The following ZNF385D variants were observed in gnomAD, a reference collection of about 807,000 sequenced individuals.
The protein encoded by ZNF385D is zinc finger protein 659.
In ZNF385D, 15 loss-of-function variants were observed where a neutral mutation model predicts 35.8. The observed-to-expected ratio is 0.42, with a 90% CI of 0.28 to 0.64. The LOEUF (loss-of-function observed/expected upper bound fraction) is 0.64. Ranked by LOEUF, ZNF385D falls within the 30% of genes least tolerant of loss-of-function variation. The pLI, the probability that ZNF385D is intolerant of heterozygous loss-of-function variation, is 0.23. For synonymous variants in ZNF385D, 212 were observed against 186.8 expected (o/e 1.13, Z -1.10); for missense variants, 474 against 494.6 (o/e 0.96, Z 0.39).
At chr3:22,200,242 G>A (rs115618703) in intron 2 of ZNF385D, among the ~76,000 whole-genome samples, 3,775 of 152,130 alleles carry the variant, frequency 0.025, 62 homozygotes, top group Middle Eastern at 0.041. Flanking sequence ...AACATGCCCC[G>A]ATAGTCATGT....
intron 2 of ZNF385D, among the ~76,000 whole-genome samples, chr3:22,338,761 C>G (rs112091229): frequency 7.1e-6 from 1 of 141,018 alleles, no homozygotes; most frequent in African/African-American, 2.7e-5. Flanking sequence ...AGTACAATGG[C>G]GCGATCTCGG....
chr3:22,042,514 T>C (rs1227724132), intron 3 of ZNF385D, among the ~76,000 whole-genome samples: 1 of 152,114 alleles, frequency 6.6e-6, no homozygotes, highest in Admixed American at 6.6e-5. Flanking sequence ...TAGAACAGAC[T>C]ATAAGGTATT....
intron 2 of ZNF385D, among the ~76,000 whole-genome samples, chr3:21,618,224 G>A (rs1244236121): frequency 6.6e-6 from 1 of 151,920 alleles, no homozygotes; most frequent in Non-Finnish European, 1.5e-5. Flanking sequence ...AAATCCCATT[G>A]TAAATATACT....
intron 3 of ZNF385D, among the ~76,000 whole-genome samples, chr3:22,143,807 C>A (rs1312632502): frequency 6.6e-6 from 1 of 152,214 alleles, no homozygotes; most frequent in East Asian, 1.9e-4. Context: ...CATCTTCCAG[C>A]CCAGTAAAAC....
chr3:22,191,727 A>G (rs1283993344), intron 2 of ZNF385D, among the ~76,000 whole-genome samples: 1 of 152,208 alleles, frequency 6.6e-6, no homozygotes, highest in Non-Finnish European at 1.5e-5. Flanking sequence ...TAATTAATGA[A>G]TAAATGGTTT....
Position 21,784,520 on chromosome 3 carries a change from T to G in ZNF385D, c.326-119492A>C, listed in dbSNP as rs113633854. 2.2e-3 allele frequency among the ~76,000 whole-genome samples: 337 copies of G among 152,162 alleles called. 2 individuals carry two copies. The highest frequency in any genetic ancestry group is 7.8e-3 in the African/African-American group (324 of 41,524). ...AAAGTTACACTAATATATATTTAGA[T>G]AGAGAAAAATTATGCCTGATTAGGG... On this transcript the variant is annotated intron_variant, in intron 3 of 5. Coordinates refer to the ZNF385D transcript ENST00000494108.
At chr3:21,831,362 A>G (rs1694975214) in intron 3 of ZNF385D, among the ~76,000 whole-genome samples, 1 of 152,192 alleles carries the variant, frequency 6.6e-6, no homozygotes, top group Non-Finnish European at 1.5e-5. Flanking sequence ...GCAAGAACAT[A>G]GTAGGTAATC....
Position 22,003,417 on chromosome 3 carries a change from A to C in ZNF385D, c.325+165400T>G, listed in dbSNP as rs1332019039. On this transcript the variant is annotated intron_variant, in intron 3 of 5. Coordinates refer to the ZNF385D transcript ENST00000494108. ...AAAGCAGCAAAACACTCATGAAAGA[A>C]ATTAAAGAGGACACTAACAGATGGA... 2.0e-5 allele frequency among the ~76,000 whole-genome samples: 3 copies of C among 152,224 alleles called. No homozygotes were observed. The East Asian group carries it at 5.8e-4, about 29-fold the overall frequency.
At chr3:21,799,294 G>C (rs556617949) in intron 3 of ZNF385D, among the ~76,000 whole-genome samples, 2 of 151,986 alleles carry the variant, frequency 1.3e-5, no homozygotes, top group Admixed American at 1.3e-4. Context: ...GTTTTCTTTT[G>C]GGGATCTACC....
intron 3 of ZNF385D, among the ~76,000 whole-genome samples, chr3:21,544,008 T>TA (rs1171878622): frequency 2.6e-5 from 4 of 152,318 alleles, no homozygotes; most frequent in Non-Finnish European, 5.9e-5. Context: ...TGTGTGTGTG[T>TA]AGTGTGTGAT....
At chr3:21,624,914 T>A (rs1283859231) in intron 2 of ZNF385D, among the ~76,000 whole-genome samples, 1 of 152,072 alleles carries the variant, frequency 6.6e-6, no homozygotes, top group Non-Finnish European at 1.5e-5. Context: ...CAAACCCGCC[T>A]TACCTTCATT....
At chr3:21,943,022 C>T (rs994462654) in intron 3 of ZNF385D, among the ~76,000 whole-genome samples, 1 of 152,062 alleles carries the variant, frequency 6.6e-6, no homozygotes, top group Non-Finnish European at 1.5e-5. Flanking sequence ...TGTAATATTA[C>T]TTCACATAAG....
At chr3:21,770,781 C>G (rs1246379312) in intron 3 of ZNF385D, among the ~76,000 whole-genome samples, 2 of 152,156 alleles carry the variant, frequency 1.3e-5, no homozygotes, top group Non-Finnish European at 2.9e-5. Context: ...TATAAAGACA[C>G]ATGCACACGT....
chr3:21,686,409 A>T (rs1347161655), intron 1 of ZNF385D, among the ~76,000 whole-genome samples: 2 of 152,230 alleles, frequency 1.3e-5, no homozygotes, highest in African/African-American at 4.8e-5. Flanking sequence ...GAGAAACTGT[A>T]TGAAAAGCAT....
intron 3 of ZNF385D, among the ~76,000 whole-genome samples, chr3:21,997,639 TG>T (rs1335078248): frequency 6.6e-6 from 1 of 152,034 alleles, no homozygotes; most frequent in Non-Finnish European, 1.5e-5. Context: ...TTCATGTGTT[TG>T]CATATCATAG....
chr3:22,044,218 T>C lies in ZNF385D; in HGVS notation c.325+124599A>G, dbSNP rs558260530. Among the ~76,000 whole-genome samples the C allele has an allele frequency of 1.9e-4, 29 of 152,156 alleles. 1 individual carries two copies. Among genetic ancestry groups the C allele is most frequent in the African/African-American group, 6.5e-4 (27 of 41,512 alleles). On this transcript the variant is annotated intron_variant, in intron 3 of 5. Transcript: ENST00000494108. ...ATGAATTGGCACCAGTGAGGGGTGA[T>C]GGTTCACTTATTTGTTTGTTTACTC... is the stretch of plus-strand genomic sequence containing the variant.
intron 2 of ZNF385D, among the ~76,000 whole-genome samples, chr3:21,608,023 G>GTTTTTTTTTGTTTTTTTTTTTTTTTTTTT (rs1553622610): frequency 7.5e-5 from 9 of 120,204 alleles, no homozygotes; most frequent in African/African-American, 2.9e-4. Context: ...TTTTTTTTTT[G>GTTTTTTTTTGTTTTTTTTTTTTTTTTTTT]TTTTTTTTTT....
At chr3:22,304,234 T>A (rs1347712938) in intron 2 of ZNF385D, among the ~76,000 whole-genome samples, 3 of 152,206 alleles carry the variant, frequency 2.0e-5, no homozygotes, top group African/African-American at 7.2e-5. Context: ...TAATTAGGTA[T>A]GATATTTTAA....
At chr3:22,365,634 T>G (rs1178723907) in intron 2 of ZNF385D, among the ~76,000 whole-genome samples, 1 of 152,102 alleles carries the variant, frequency 6.6e-6, no homozygotes. Context: ...CAATTAAGAC[T>G]TTGGGGAATT....
Sources: allele counts gnomAD v4.1 joint callset (sites outside exome capture counted in the v4.1 genomes callset), GRCh38; gene constraint gnomAD v4.1.1; transcripts MANE v1.5; gene names NCBI Gene and HGNC (gene_info 2026-07-23, HGNC 2026-07-21).